The following CCDC167 variants were observed in gnomAD, a reference collection of about 807,000 sequenced individuals.
CCDC167 encodes coiled-coil domain-containing protein 167.
In CCDC167, 15 loss-of-function variants were observed where a neutral mutation model predicts 12.7. That is an observed-to-expected ratio of 1.18 (90% CI 0.79 to 1.81). The LOEUF is 1.81. Ranked by LOEUF, CCDC167 falls within the 40% of genes most tolerant of loss-of-function variation. The probability of loss-of-function intolerance (pLI) is 0.00; values close to 1 mark genes in which losing one functional copy is unlikely to be tolerated. For synonymous variants in CCDC167, 52 were observed against 49.0 expected, an observed-to-expected ratio of 1.06 and a Z score of -0.26; for missense variants, 121 against 120.1, an observed-to-expected ratio of 1.01 and a Z score of -0.03.
intron 1 of CCDC167, among the ~76,000 whole-genome samples, chr6:37,497,107 AG>A (rs1762105768): frequency 6.6e-6 from 1 of 152,224 alleles, no homozygotes; most frequent in Non-Finnish European, 1.5e-5. Flanking sequence ...AAATGGTCTA[AG>A]GACTGTTCTT....
chr6:37,494,366 C>A (rs1762070793), intron 1 of CCDC167, among the ~76,000 whole-genome samples: 1 of 152,062 alleles, frequency 6.6e-6, no homozygotes, highest in Admixed American at 6.5e-5. Context: ...CCCAGCCGAT[C>A]CTGCCCTCTT....
Position 37,494,950 on chromosome 6 carries a change from C to G in CCDC167, c.42+4872G>C, listed in dbSNP as rs533640161. On this transcript the variant is annotated intron_variant, in intron 1 of 3. Transcript: ENST00000373408. ...GAGTAGCTGGGATTACAGGCGTGTA[C>G]CACCACTCCTGGCTAATTTTTGTAT... is the stretch of plus-strand genomic sequence containing the variant. Among the ~76,000 whole-genome samples the G allele has an allele frequency of 9.8e-4, 149 of 152,100 alleles. 2 individuals are homozygous for G. The highest frequency in any genetic ancestry group is 8.3e-4 in the South Asian group (4 of 4,830).
Position 37,499,874 on chromosome 6 carries a change from G to A in CCDC167, c.-11C>T. 1 of 1,614,064 alleles carries A rather than the reference G, an allele frequency of 6.2e-7. No individual in the cohort carries two copies. Among genetic ancestry groups the A allele is most frequent in the Non-Finnish European group, 8.5e-7 (1 of 1,179,994 alleles). On this transcript the variant is annotated 5_prime_UTR_variant, in exon 1 of 4. Coordinates refer to ENST00000373408, the MANE Select transcript of CCDC167 (RefSeq NM_138493.3). Reference sequence around the variant, plus strand: ...CTTCTTTTTAGTCATGTTACTTGCCGGGATCCCCCAGTCATCACTGGACGC... The same window carrying A: ...CTTCTTTTTAGTCATGTTACTTGCCAGGATCCCCCAGTCATCACTGGACGC...
chr6:37,497,921 C>T (rs1047503252), intron 1 of CCDC167, among the ~76,000 whole-genome samples: 3 of 151,966 alleles, frequency 2.0e-5, no homozygotes, highest in Admixed American at 6.6e-5. Context: ...AAAACAAAAA[C>T]AGGGCACTAA....
chr6:37,489,261 A>C (rs955118673), intron 1 of CCDC167, among the ~76,000 whole-genome samples: 4 of 122,570 alleles, frequency 3.3e-5, no homozygotes, highest in Admixed American at 8.7e-5. Flanking sequence ...AACAAAAAAA[A>C]ACAGCAGGGG....
At chr6:37,499,786 C>G (rs760143591) in intron 1 of CCDC167, 36 bp downstream of exon 1, 12 of 1,611,556 alleles carry the variant, frequency 7.4e-6, no homozygotes, top group African/African-American at 1.3e-5. Context: ...GAGAAGGCAA[C>G]TAACGAGGTG....
chr6:37,489,116 G>A (rs1300394128), intron 1 of CCDC167, among the ~76,000 whole-genome samples: 2 of 152,156 alleles, frequency 1.3e-5, no homozygotes, highest in African/African-American at 4.8e-5. Context: ...CACGCCTGTA[G>A]TCCCAGCTAC....
chr6:37,497,025 G>A (rs1762105051), intron 1 of CCDC167, among the ~76,000 whole-genome samples: 2 of 152,338 alleles, frequency 1.3e-5, no homozygotes, highest in South Asian at 2.1e-4. Flanking sequence ...AAGCCACAGA[G>A]GAAGGGAATC....
intron 3 of CCDC167, among the ~76,000 whole-genome samples, chr6:37,484,363 G>A (rs990162195): frequency 2.0e-5 from 3 of 152,156 alleles, no homozygotes; most frequent in Non-Finnish European, 4.4e-5. Flanking sequence ...TGCCCCCAGC[G>A]CCCAGAAGGT....
rs1406655263 is a variant in CCDC167 at position 37,484,754 on chromosome 6, C to G, written c.190+56G>C. Reference sequence around the variant, plus strand: ...TGTCAGGCCCCTTGGGCTTCTGACCCTTCCTGGTTCTGGGGACTGGAGGCT... The same window carrying G: ...TGTCAGGCCCCTTGGGCTTCTGACCGTTCCTGGTTCTGGGGACTGGAGGCT... On this transcript the variant is annotated intron_variant, in intron 3 of 3. Coordinates refer to ENST00000373408, the MANE Select transcript of CCDC167 (RefSeq NM_138493.3). The G allele has an allele frequency of 8.1e-6, 13 of 1,607,012 alleles. No homozygotes were observed. In the South Asian group the frequency reaches 1.4e-4, roughly 18 times the overall value.
At chr6:37,484,709 C>G in intron 3 of CCDC167, 101 bp downstream of exon 3, 1 of 1,369,234 alleles carries the variant, frequency 7.3e-7, no homozygotes, top group Non-Finnish European at 1.0e-6. Flanking sequence ...CCCAAAGAAC[C>G]CCCTTGCTCC....
At chr6:37,487,018 G>C (rs1761951250) in intron 1 of CCDC167, among the ~76,000 whole-genome samples, 1 of 152,150 alleles carries the variant, frequency 6.6e-6, no homozygotes, top group Admixed American at 6.5e-5. Flanking sequence ...GTGGGGGTTG[G>C]GGGGCAGGGG....
At chr6:37,487,290 G>A (rs1042275842) in intron 1 of CCDC167, among the ~76,000 whole-genome samples, 1 of 152,174 alleles carries the variant, frequency 6.6e-6, no homozygotes, top group Admixed American at 6.5e-5. Context: ...GTGACCATCT[G>A]TCTCCTCTTT....
chr6:37,491,076 T>C (rs540728074), intron 1 of CCDC167, among the ~76,000 whole-genome samples: 33 of 152,210 alleles, frequency 2.2e-4, no homozygotes, highest in African/African-American at 7.9e-4. Context: ...GTAGGCCCTC[T>C]CAGAATCAGA....
intron 1 of CCDC167, among the ~76,000 whole-genome samples, chr6:37,496,889 A>G (rs925800707): frequency 6.6e-6 from 1 of 152,208 alleles, no homozygotes; most frequent in Non-Finnish European, 1.5e-5. Context: ...GCCAATGGAA[A>G]GTGGACAGTT....
intron 1 of CCDC167, among the ~76,000 whole-genome samples, chr6:37,489,854 T>C (rs1229145351): frequency 6.6e-6 from 1 of 152,140 alleles, no homozygotes; most frequent in Non-Finnish European, 1.5e-5. Context: ...CCTGGAGCTA[T>C]CAGGGGGCAG....
chr6:37,487,031 G>A (rs1050167557), intron 1 of CCDC167, among the ~76,000 whole-genome samples: 1 of 152,122 alleles, frequency 6.6e-6, no homozygotes, highest in African/African-American at 2.4e-5. Flanking sequence ...GGCAGGGGAC[G>A]GGGTGCATTC....
intron 1 of CCDC167, among the ~76,000 whole-genome samples, chr6:37,495,071 A>G (rs1235365452): frequency 6.6e-6 from 1 of 152,170 alleles, no homozygotes; most frequent in Non-Finnish European, 1.5e-5. Flanking sequence ...AAATACTGGG[A>G]TTACAGGCGT....
At chr6:37,488,033 G>A (rs1017615384) in intron 1 of CCDC167, among the ~76,000 whole-genome samples, 13 of 152,226 alleles carry the variant, frequency 8.5e-5, no homozygotes, top group African/African-American at 3.1e-4. Flanking sequence ...AGTGAGGGGA[G>A]GCTAAGACTG....
Sources: allele counts gnomAD v4.1 joint callset (sites outside exome capture counted in the v4.1 genomes callset), GRCh38; gene constraint gnomAD v4.1.1; transcripts MANE v1.5; gene names NCBI Gene and HGNC (gene_info 2026-07-23, HGNC 2026-07-21).